CACNA1E: variants seen among roughly 807,000 people sequenced by gnomAD.
CACNA1E encodes the protein calcium voltage-gated channel subunit alpha1 E.
In CACNA1E, 40 loss-of-function variants were observed where a neutral mutation model predicts 259.2. That is an observed-to-expected ratio of 0.15 (90% CI 0.12 to 0.20). The LOEUF is 0.20. Among genes scored for constraint, CACNA1E ranks in the 10% least tolerant of loss-of-function variants. The probability of loss-of-function intolerance (pLI) is 1.00; values close to 1 mark genes in which losing one functional copy is unlikely to be tolerated. For missense variants in CACNA1E, 1,874 were observed against 3,040.1 expected, an observed-to-expected ratio of 0.62 and a Z score of 9.02; for synonymous variants, 1,104 against 1,138.5, an observed-to-expected ratio of 0.97 and a Z score of 0.61.
intron 7 of CACNA1E, among the ~76,000 whole-genome samples, chr1:181,677,728 T>G (rs909215649): frequency 6.6e-6 from 1 of 152,204 alleles, no homozygotes; most frequent in East Asian, 1.9e-4. Flanking sequence ...GTTTCTATCA[T>G]GTAAGAGCAG....
At chr1:181,684,984 G>A (rs1427566916) in intron 7 of CACNA1E, among the ~76,000 whole-genome samples, 2 of 151,538 alleles carry the variant, frequency 1.3e-5, no homozygotes, top group Non-Finnish European at 2.9e-5. Flanking sequence ...ATGGCTTTGG[G>A]GGGCTTAATA....
chr1:181,466,914 A>T (rs1267612752), intron 2 of CACNA1E, among the ~76,000 whole-genome samples: 7 of 152,248 alleles, frequency 4.6e-5, no homozygotes, highest in African/African-American at 1.7e-4. Flanking sequence ...AAATACACAC[A>T]GTCTTCTAAG....
intron 6 of CACNA1E, among the ~76,000 whole-genome samples, chr1:181,607,620 G>A (rs574640408): frequency 6.6e-6 from 1 of 152,210 alleles, no homozygotes; most frequent in South Asian, 2.1e-4. Flanking sequence ...ATTATTAATG[G>A]TAATAATACC....
chr1:181,645,418 C>T (rs534924290), intron 6 of CACNA1E, among the ~76,000 whole-genome samples: 13 of 152,200 alleles, frequency 8.5e-5, no homozygotes, highest in Non-Finnish European at 1.9e-4. Flanking sequence ...TCTGAGAGGG[C>T]GTTCCCCACC....
At chr1:181,782,665 T>A (rs1019832192) in intron 39 of CACNA1E, among the ~76,000 whole-genome samples, 2 of 152,178 alleles carry the variant, frequency 1.3e-5, no homozygotes, top group Non-Finnish European at 2.9e-5. Context: ...GAGGACGTTC[T>A]CCTGCTGCTA....
intron 3 of CACNA1E, among the ~76,000 whole-genome samples, chr1:181,575,812 C>T (rs2102959059): frequency 6.6e-6 from 1 of 152,292 alleles, no homozygotes; most frequent in South Asian, 2.1e-4. Context: ...GTGCACCTTA[C>T]CTTTATTACA....
intron 18 of CACNA1E, among the ~76,000 whole-genome samples, chr1:181,727,190 T>C (rs1654991911): frequency 6.6e-6 from 1 of 152,238 alleles, no homozygotes; most frequent in Non-Finnish European, 1.5e-5. Context: ...AAGTCATTAG[T>C]ATGGGTCAGA....
At chr1:181,723,648 T>G (rs984254126) in intron 16 of CACNA1E, among the ~76,000 whole-genome samples, 2 of 152,202 alleles carry the variant, frequency 1.3e-5, no homozygotes, top group African/African-American at 2.4e-5. Flanking sequence ...CTCAGGTTAC[T>G]TTACCTGTGT....
intron 3 of CACNA1E, among the ~76,000 whole-genome samples, chr1:181,565,251 G>C (rs12066001): frequency 9.7e-4 from 148 of 152,300 alleles, no homozygotes; most frequent in African/African-American, 3.4e-3. Context: ...GGACTAGTTT[G>C]AGCAAGGAGG....
At chr1:181,492,803 C>CT (rs1196303104) in intron 1 of CACNA1E, among the ~76,000 whole-genome samples, 2 of 152,172 alleles carry the variant, frequency 1.3e-5, no homozygotes, top group African/African-American at 4.8e-5. Flanking sequence ...TTTTCCTGCT[C>CT]TTTTTTACTC....
intron 3 of CACNA1E, among the ~76,000 whole-genome samples, chr1:181,528,505 G>A (rs1319774148): frequency 3.9e-5 from 6 of 152,226 alleles, no homozygotes; most frequent in Non-Finnish European, 8.8e-5. Context: ...AACAGGCAGA[G>A]GTTGGAACAG....
At chr1:181,482,245 C>A (rs1008408554), upstream of CACNA1E, among the ~76,000 whole-genome samples, 1 of 152,216 alleles carries the variant, frequency 6.6e-6, no homozygotes, top group African/African-American at 2.4e-5. Flanking sequence ...GCAAAGGCCC[C>A]GACACCTTAC....
intron 18 of CACNA1E, among the ~76,000 whole-genome samples, chr1:181,729,901 G>A (rs1221848062): frequency 5.3e-5 from 8 of 152,218 alleles, no homozygotes; most frequent in Admixed American, 2.0e-4. Flanking sequence ...TAAAGCGTAC[G>A]CTTCTACTTC....
intron 25 of CACNA1E, among the ~76,000 whole-genome samples, chr1:181,740,569 A>C (rs961107868): frequency 2.6e-5 from 4 of 151,982 alleles, no homozygotes; most frequent in Non-Finnish European, 1.5e-5. Flanking sequence ...TACAAGATAC[A>C]CTCCCAGCTG....
chr1:181,530,589 T>A (rs1667708691), intron 3 of CACNA1E, among the ~76,000 whole-genome samples: 1 of 152,162 alleles, frequency 6.6e-6, no homozygotes. Context: ...TCTTCTTGAA[T>A]CTTAATTTAA....
At chr1:181,765,107 G>A (rs947324794) in intron 34 of CACNA1E, among the ~76,000 whole-genome samples, 3 of 152,100 alleles carry the variant, frequency 2.0e-5, no homozygotes, top group East Asian at 3.8e-4. Flanking sequence ...CAAATAGAAA[G>A]CAGAGAGCCA....
At chr1:181,515,149 C>G (rs1666476551) in intron 3 of CACNA1E, among the ~76,000 whole-genome samples, 1 of 151,956 alleles carries the variant, frequency 6.6e-6, no homozygotes, top group Non-Finnish European at 1.5e-5. Flanking sequence ...TTCCTTTAGT[C>G]CCCGTGAGGC....
intron 1 of CACNA1E, among the ~76,000 whole-genome samples, chr1:181,501,657 A>G (rs1482695894): frequency 6.6e-6 from 1 of 152,034 alleles, no homozygotes; most frequent in Non-Finnish European, 1.5e-5. Context: ...TTTGTCTTTC[A>G]TTCATTAGGT....
rs1227782157 is a variant in CACNA1E at position 181,803,445 on chromosome 1, C to T, written c.*4611C>T. On this transcript the variant is annotated 3_prime_UTR_variant, in exon 48 of 48. Transcript: ENST00000367573. ...TTGTAAGAAGGTGATCAAAGAGATC[C>T]TACATTAATAAGCACTGCCTGTAGC... 2.6e-5 allele frequency: 4 copies of T among 152,146 alleles called. No homozygotes were observed. The highest frequency in any genetic ancestry group is 5.9e-5 in the Non-Finnish European group (4 of 68,006). The allele number at this position is 152,146 out of a possible 1,614,324, so 9.4% of individuals were successfully genotyped here. A position where few individuals can be genotyped will look rare whatever the true frequency, so the allele number is the denominator to read the frequency against.
Sources: gnomAD v4.1 joint callset for allele counts (sites outside exome capture counted in the v4.1 genomes callset) on GRCh38, gnomAD v4.1.1 for gene constraint, MANE v1.5 for transcripts, NCBI Gene and HGNC (gene_info 2026-07-23, HGNC 2026-07-21) for gene names.